Variants in HYDIN observed in about 807,000 individuals in gnomAD.
The protein encoded by HYDIN is HYDIN axonemal central pair apparatus protein.
A neutral mutation model predicts 403.9 loss-of-function variants in HYDIN; 132 were observed. The ratio of observed to expected loss-of-function variants is 0.33; its 90% CI spans 0.28 to 0.38. The LOEUF is 0.38. HYDIN is among the 10% of genes least tolerant of loss of function. The probability of loss-of-function intolerance (pLI) is 1.00; values close to 1 mark genes in which losing one functional copy is unlikely to be tolerated. For synonymous variants in HYDIN, 1,202 were observed against 1,891.7 expected (o/e 0.64, Z 9.46); for missense variants, 2,827 against 5,009.5 (o/e 0.56, Z 13.15).
chr16:71,209,310 T>C (rs1057244055), intron 1 of HYDIN, among the ~76,000 whole-genome samples: 1 of 151,496 alleles, frequency 6.6e-6, no homozygotes, highest in African/African-American at 2.4e-5. Flanking sequence ...ATTATCTCAA[T>C]AGATGAAGAA....
intron 84 of HYDIN, among the ~76,000 whole-genome samples, chr16:70,815,541 G>T (rs2035783745): frequency 1.3e-5 from 2 of 151,832 alleles, no homozygotes; most frequent in African/African-American, 4.8e-5. Context: ...ATACTAACCA[G>T]AAGAAAGTTG....
chr16:71,125,868 G>A (rs2084433326), intron 9 of HYDIN, among the ~76,000 whole-genome samples: 1 of 151,756 alleles, frequency 6.6e-6, no homozygotes, highest in African/African-American at 2.4e-5. Context: ...ACCCAACCTT[G>A]CCTACAGAGA....
chr16:71,097,535 T>A (rs561818323), intron 10 of HYDIN, among the ~76,000 whole-genome samples: 123 of 148,644 alleles, frequency 8.3e-4, no homozygotes, highest in African/African-American at 3.1e-3. Context: ...AGCTTATCAT[T>A]TATGAAACAT....
intron 15 of HYDIN, chr16:71,066,352 A>G (rs1017323044): frequency 6.5e-6 from 1 of 153,628 alleles, no homozygotes; most frequent in Admixed American, 6.5e-5. Flanking sequence ...ACTGCTATTT[A>G]TCTTCATCCA....
At position 71,178,925 on chromosome 16, in the gene HYDIN, C is replaced by G; in HGVS notation, c.381+3G>C. 6.2e-7 allele frequency: 1 copy of G among 1,610,238 alleles called. No individual in the cohort carries two copies. The highest frequency in any genetic ancestry group is 8.5e-7 in the Non-Finnish European group (1 of 1,178,252). On this transcript the variant is annotated splice_donor_region_variant and intron_variant, in intron 4 of 85. Coordinates refer to ENST00000393567, the MANE Select transcript of HYDIN (RefSeq NM_001270974.2). Reference sequence around the variant, plus strand: ...GTTCACCCACCCCAGTGAACATACTCACTTTGTCATTGTTCCTCAAAATCA... The same window carrying G: ...GTTCACCCACCCCAGTGAACATACTGACTTTGTCATTGTTCCTCAAAATCA...
intron 7 of HYDIN, among the ~76,000 whole-genome samples, chr16:71,139,754 G>A (rs1054773734): frequency 2.0e-5 from 3 of 152,056 alleles, no homozygotes; most frequent in East Asian, 1.9e-4. Context: ...GGAAGATAAA[G>A]TTAGAAGGTC....
chr16:70,868,718 A>C lies in HYDIN; in HGVS notation c.11162T>G (p.Leu3721Arg). Reference sequence around the variant, plus strand: ...CTTGCACCTGATCCGCATATTCTTTAGGTTGATGGGTACATCTGACTTCAT... The same window carrying C: ...CTTGCACCTGATCCGCATATTCTTTCGGTTGATGGGTACATCTGACTTCAT... The part of the protein sequence containing the change: ...VTMKSDVPIN[L>R]KNMRIRCKLS... Residue 3721 changes from leucine to arginine, a missense_variant, in exon 66 of 86, where the codon CTA becomes CGA. Physicochemically the swap from Leu to Arg is moderately radical, Grantham distance 102 (BLOSUM62 -2). Coordinates refer to ENST00000393567, the MANE Select transcript of HYDIN (RefSeq NM_001270974.2). 6.2e-7 allele frequency: 1 copy of C among 1,614,106 alleles called. No homozygotes were observed. The highest frequency in any genetic ancestry group is 8.5e-7 in the Non-Finnish European group (1 of 1,180,020).
At chr16:70,907,257 C>A (rs2143773815) in intron 50 of HYDIN, 115 bp downstream of exon 50, 2 of 544,082 alleles carry the variant, frequency 3.7e-6, no homozygotes, top group Non-Finnish European at 3.3e-6. Flanking sequence ...GTGGTTGGGG[C>A]TAAGAGAGGC....
At chr16:71,224,385 C>T (rs2040935299) in intron 1 of HYDIN, among the ~76,000 whole-genome samples, 1 of 152,096 alleles carries the variant, frequency 6.6e-6, no homozygotes. Flanking sequence ...GAATTCACCA[C>T]TAAAGAACTC....
At chr16:71,203,884 G>A (rs1271169740) in intron 1 of HYDIN, 12 of 449,734 alleles carry the variant, frequency 2.7e-5, no homozygotes, top group South Asian at 6.3e-5. Flanking sequence ...GTGAAATATG[G>A]TGAAACCCCA....
chr16:70,860,278 A>T (rs2039325493), intron 70 of HYDIN, 72 bp from the exon 71 acceptor site: 5 of 1,542,546 alleles, frequency 3.2e-6, no homozygotes, highest in Non-Finnish European at 4.4e-6. Context: ...ATTTCTTAGA[A>T]CCTGGCCCCA....
At position 71,107,750 on chromosome 16, in the gene HYDIN, G is replaced by A. The variant is rs1029208686; in HGVS notation, c.1327+7946C>T. Among the ~76,000 whole-genome samples, 25 of 152,146 alleles carry A rather than the reference G, an allele frequency of 1.6e-4. 1 individual carries two copies. Among genetic ancestry groups the A allele is most frequent in the Middle Eastern group, 6.8e-3 (2 of 292 alleles). ...AGTGTAAATTAGTTCAACCATTATG[G>A]AAAGCAGTGTGGTGATTCTTCAAAA... On this transcript the variant is annotated intron_variant, in intron 10 of 85. Transcript: ENST00000393567.
intron 11 of HYDIN, among the ~76,000 whole-genome samples, chr16:71,092,493 C>T (rs2083141727): frequency 2.0e-5 from 3 of 152,204 alleles, no homozygotes; most frequent in Non-Finnish European, 2.9e-5. Flanking sequence ...CTCTAAGACT[C>T]AGTTTACCCA....
At chr16:70,984,814 C>T (rs377155268) in intron 28 of HYDIN, among the ~76,000 whole-genome samples, 4 of 150,616 alleles carry the variant, frequency 2.7e-5, no homozygotes, top group South Asian at 2.1e-4. Flanking sequence ...TTTGGCTCAG[C>T]GCAGTCTGCT....
chr16:71,145,933 C>T (rs918210078), intron 7 of HYDIN, among the ~76,000 whole-genome samples: 1 of 152,168 alleles, frequency 6.6e-6, no homozygotes, highest in African/African-American at 2.4e-5. Context: ...GTGAAGTCGT[C>T]ACTCAAGTTT....
At chr16:70,872,218 C>G in intron 64 of HYDIN, 39 bp from the exon 65 acceptor site, 1 of 979,502 alleles carries the variant, frequency 1.0e-6, no homozygotes, top group Non-Finnish European at 1.5e-6. Flanking sequence ...TCCTCCCTGG[C>G]CTCCCCTGAG....
At chr16:70,847,561 C>G (rs547838591) in intron 75 of HYDIN, among the ~76,000 whole-genome samples, 2 of 151,824 alleles carry the variant, frequency 1.3e-5, no homozygotes, top group Non-Finnish European at 2.9e-5. Context: ...CCAAAATCGG[C>G]AGAATAATGG....
rs2041247803 is a variant in HYDIN at position 71,230,682 on chromosome 16, C to A, written c.-144G>T. 1 of 1,535,968 alleles carries A rather than the reference C, an allele frequency of 6.5e-7. No individual in the cohort carries two copies. The highest frequency in any genetic ancestry group is 1.4e-5 in the African/African-American group (1 of 73,046). ...TACCCAGCTTGAAGCCGCCCGCACT[C>A]TCCATGCGCCGCCCGAGCTGTTGCC... is the stretch of plus-strand genomic sequence containing the variant. On this transcript the variant is annotated 5_prime_UTR_variant, in exon 1 of 86. Transcript: ENST00000393567.
intron 1 of HYDIN, among the ~76,000 whole-genome samples, chr16:71,226,724 T>C (rs1175646255): frequency 1.3e-5 from 2 of 152,208 alleles, no homozygotes; most frequent in Non-Finnish European, 1.5e-5. Flanking sequence ...TTATCTTATC[T>C]GAGTTCCTTT....
Sources: allele counts gnomAD v4.1 joint callset (sites outside exome capture counted in the v4.1 genomes callset), GRCh38; gene constraint gnomAD v4.1.1; transcripts MANE v1.5; gene names NCBI Gene and HGNC (gene_info 2026-07-23, HGNC 2026-07-21).